MARCHF1: variants seen among roughly 807,000 people sequenced by gnomAD.
MARCHF1 encodes the protein E3 ubiquitin-protein ligase MARCHF1.
Under a neutral mutation model 54.2 loss-of-function variants are expected in MARCHF1, and 40 were observed. The observed-to-expected ratio is 0.74, with a 90% CI of 0.57 to 0.96. The LOEUF is 0.96. Among genes scored for constraint, MARCHF1 ranks in the 40% least tolerant of loss-of-function variants. The probability of loss-of-function intolerance (pLI) is 0.00; values close to 1 mark genes in which losing one functional copy is unlikely to be tolerated. For synonymous variants in MARCHF1, 236 were observed against 236.3 expected, an observed-to-expected ratio of 1.00 and a Z score of 0.01; for missense variants, 586 against 656.5, an observed-to-expected ratio of 0.89 and a Z score of 1.17.
intron 4 of MARCHF1, among the ~76,000 whole-genome samples, chr4:163,786,658 G>A (rs569364567): frequency 6.6e-6 from 1 of 151,928 alleles, no homozygotes; most frequent in African/African-American, 2.4e-5. Context: ...GGATGCCATA[G>A]TACCCCTAGC....
chr4:163,806,269 T>G (rs1748221845), intron 4 of MARCHF1, among the ~76,000 whole-genome samples: 1 of 152,186 alleles, frequency 6.6e-6, no homozygotes, highest in Non-Finnish European at 1.5e-5. Context: ...GGCTCCACAT[T>G]CTGGGTAAGA....
At chr4:164,323,503 C>G (rs1261277362) in intron 1 of MARCHF1, among the ~76,000 whole-genome samples, 1 of 138,500 alleles carries the variant, frequency 7.2e-6, no homozygotes, top group African/African-American at 2.7e-5. Context: ...AATATCAAAG[C>G]AGAAATTATA....
chr4:164,118,979 A>T (rs1031838865), intron 1 of MARCHF1, among the ~76,000 whole-genome samples: 3 of 151,134 alleles, frequency 2.0e-5, no homozygotes, highest in African/African-American at 7.3e-5. Context: ...TCCCACCAAG[A>T]AACAAGTGGG....
rs985798767 is a variant in MARCHF1 at position 163,932,527 on chromosome 4, T to C, written c.-39+55974A>G. 15 of 354,188 alleles carry C rather than the reference T, an allele frequency of 4.2e-5. No homozygotes were observed. The East Asian group carries it at 9.7e-4, about 23-fold the overall frequency. 21.9% of individuals were successfully genotyped at this position (354,188 alleles called of 1,614,324 possible). ...ACTACTTTCACCCTGACTCCTGCCATAGAGAAAATGGAGCTGATCCAGAAG... is the reference window on the plus strand; with the variant it reads ...ACTACTTTCACCCTGACTCCTGCCACAGAGAAAATGGAGCTGATCCAGAAG... On this transcript the variant is annotated intron_variant, in intron 3 of 9. Transcript: ENST00000514618.
At chr4:164,155,978 G>A (rs186759588) in intron 1 of MARCHF1, among the ~76,000 whole-genome samples, 4 of 152,126 alleles carry the variant, frequency 2.6e-5, no homozygotes, top group East Asian at 1.9e-4. Context: ...CATAATTTTC[G>A]GGGGAAGTAT....
chr4:163,927,873 A>G (rs1751571094), intron 3 of MARCHF1, among the ~76,000 whole-genome samples: 1 of 151,886 alleles, frequency 6.6e-6, no homozygotes, highest in African/African-American at 2.4e-5. Flanking sequence ...GCGGAGCTTC[A>G]TGAGCAAGGG....
At chr4:163,711,994 T>C (rs566476539) in intron 4 of MARCHF1, among the ~76,000 whole-genome samples, 1 of 152,314 alleles carries the variant, frequency 6.6e-6, no homozygotes, top group South Asian at 2.1e-4. Flanking sequence ...AATCATATTT[T>C]ATCAGAGTCT....
At chr4:163,800,981 T>G (rs1045478829) in intron 4 of MARCHF1, among the ~76,000 whole-genome samples, 4 of 152,098 alleles carry the variant, frequency 2.6e-5, no homozygotes, top group African/African-American at 9.6e-5. Flanking sequence ...TCAACTATCT[T>G]AAATCCTGTA....
chr4:163,943,293 T>C (rs186417369), intron 3 of MARCHF1, among the ~76,000 whole-genome samples: 13 of 152,320 alleles, frequency 8.5e-5, no homozygotes, highest in Non-Finnish European at 1.0e-4. Context: ...ACAGCCTAGG[T>C]TGTCTTCCAG....
chr4:163,859,693 G>A (rs1749870897), intron 3 of MARCHF1, among the ~76,000 whole-genome samples: 1 of 152,122 alleles, frequency 6.6e-6, no homozygotes, highest in African/African-American at 2.4e-5. Flanking sequence ...AGTACTGGTA[G>A]CAATATGAGC....
intron 4 of MARCHF1, among the ~76,000 whole-genome samples, chr4:163,812,594 C>T (rs1416783216): frequency 1.3e-5 from 2 of 152,044 alleles, no homozygotes. Flanking sequence ...CCTGTCTCTT[C>T]TGAATTTACA....
At chr4:164,283,484 TACTC>T (rs1734074627) in intron 1 of MARCHF1, among the ~76,000 whole-genome samples, 1 of 150,908 alleles carries the variant, frequency 6.6e-6, no homozygotes, top group African/African-American at 2.4e-5. Flanking sequence ...AAGACAGTAA[TACTC>T]ACTAACAAAT....
At chr4:163,840,787 C>A (rs72997250) in intron 4 of MARCHF1, among the ~76,000 whole-genome samples, 11,323 of 151,998 alleles carry the variant, frequency 0.074, 535 homozygotes, top group African/African-American at 0.14. Flanking sequence ...TGACCCCCAA[C>A]ACAGAGATAC....
chr4:164,013,764 A>T (rs1038927435), intron 2 of MARCHF1, among the ~76,000 whole-genome samples: 1 of 152,170 alleles, frequency 6.6e-6, no homozygotes, highest in Non-Finnish European at 1.5e-5. Flanking sequence ...TCAACCTAGA[A>T]TATTACATTA....
intron 1 of MARCHF1, among the ~76,000 whole-genome samples, chr4:164,163,905 A>G (rs1221946108): frequency 6.6e-6 from 1 of 152,000 alleles, no homozygotes; most frequent in African/African-American, 2.4e-5. Context: ...ATGAAATTAT[A>G]TTAAAAATCA....
At chr4:163,766,500 T>C (rs1396599004) in intron 4 of MARCHF1, among the ~76,000 whole-genome samples, 1 of 152,206 alleles carries the variant, frequency 6.6e-6, no homozygotes, top group East Asian at 1.9e-4. Flanking sequence ...ACAGCCTTAC[T>C]ACAGGTCCAA....
At chr4:164,370,776 C>T (rs980792595) in intron 1 of MARCHF1, among the ~76,000 whole-genome samples, 38 of 152,020 alleles carry the variant, frequency 2.5e-4, no homozygotes, top group African/African-American at 8.7e-4. Context: ...GGCGTGATAG[C>T]GTGCCCCTGT....
intron 3 of MARCHF1, among the ~76,000 whole-genome samples, chr4:163,901,762 A>C (rs1331415745): frequency 6.6e-6 from 1 of 152,184 alleles, no homozygotes; most frequent in African/African-American, 2.4e-5. Context: ...TTATGGAAAC[A>C]ACCAAGGCAT....
intron 3 of MARCHF1, among the ~76,000 whole-genome samples, chr4:163,923,101 C>T (rs1206213097): frequency 6.6e-6 from 1 of 152,050 alleles, no homozygotes; most frequent in Non-Finnish European, 1.5e-5. Flanking sequence ...TTGAAGAGCA[C>T]ACTTACGGTG....
Sources: gnomAD v4.1 joint callset for allele counts (sites outside exome capture counted in the v4.1 genomes callset) on GRCh38, gnomAD v4.1.1 for gene constraint, MANE v1.5 for transcripts, NCBI Gene and HGNC (gene_info 2026-07-23, HGNC 2026-07-21) for gene names.